The following METTL6 variants were observed in gnomAD, a reference collection of about 807,000 sequenced individuals.
METTL6 encodes tRNA N(3)-cytidine methyltransferase METTL6.
METTL6 carries 22 observed loss-of-function variants against 26.4 expected under a neutral mutation model. The observed-to-expected ratio is 0.83, with a 90% CI of 0.59 to 1.19. METTL6 has a LOEUF of 1.19. Among genes scored for constraint, METTL6 ranks in the 50% most tolerant of loss-of-function variants. The pLI is 0.00. For missense variants in METTL6, 304 were observed against 324.8 expected (o/e 0.94, Z 0.49); for synonymous variants, 109 against 116.2 (o/e 0.94, Z 0.40).
At chr3:15,389,102 C>A (rs1456153798) in intron 6 of METTL6, among the ~76,000 whole-genome samples, 1 of 151,874 alleles carries the variant, frequency 6.6e-6, no homozygotes, top group African/African-American at 2.4e-5. Flanking sequence ...ACAATCCTTC[C>A]TGCTCAGCCT....
chr3:15,409,571 C>T (rs898894506), downstream of METTL6, among the ~76,000 whole-genome samples: 5 of 151,932 alleles, frequency 3.3e-5, no homozygotes, highest in African/African-American at 4.8e-5. Flanking sequence ...ATTCTAAAGC[C>T]CCTCTCAACT....
chr3:15,397,313 G>GT lies in METTL6; in HGVS notation c.*12-13127dup, dbSNP rs1559481589. On this transcript the variant is annotated intron_variant, in intron 6 of 6. Coordinates refer to the METTL6 transcript ENST00000443029. The stretch of plus-strand genomic sequence containing the variant: ...ACGGGATATAATCTCCTGGTGTGCC[G>GT]TTTGCTAAGACTGTCGGAAAAGCGC... 6.6e-5 allele frequency among the ~76,000 whole-genome samples: 10 copies of GT among 152,314 alleles called. 1 individual carries two copies. In the South Asian group the frequency reaches 2.1e-3, roughly 32 times the overall value.
Position 15,410,016 on chromosome 3 carries a change from C to T in METTL6, c.*1240G>A, listed in dbSNP as rs143015123. The stretch of plus-strand genomic sequence containing the variant: ...ATGAGTAATGACAAGAATCTCTTTA[C>T]GTGCTACAGGGTCCTTAGGCTTTTC... On this transcript the variant is annotated 3_prime_UTR_variant, in exon 6 of 6. Coordinates refer to ENST00000383790, the MANE Select transcript of METTL6 (RefSeq NM_152396.4). Among the ~76,000 whole-genome samples the T allele has an allele frequency of 3.3e-5, 5 of 152,222 alleles. No homozygotes were observed. The East Asian group carries it at 5.8e-4, about 18-fold the overall frequency.
intron 6 of METTL6, among the ~76,000 whole-genome samples, chr3:15,387,812 A>C (rs931851033): frequency 1.4e-5 from 2 of 142,910 alleles, no homozygotes; most frequent in Non-Finnish European, 3.1e-5. Flanking sequence ...TCTTTGAAAA[A>C]AAGATTTTTT....
At chr3:15,387,678 A>C (rs931476270) in intron 6 of METTL6, among the ~76,000 whole-genome samples, 1 of 152,160 alleles carries the variant, frequency 6.6e-6, no homozygotes, top group Non-Finnish European at 1.5e-5. Context: ...CCAAATACTT[A>C]TATAGCCTTA....
chr3:15,387,775 G>T (rs1371434868), intron 6 of METTL6, among the ~76,000 whole-genome samples: 1 of 151,980 alleles, frequency 6.6e-6, no homozygotes, highest in Non-Finnish European at 1.5e-5. Context: ...ATGGATCAGG[G>T]AACAGAGATT....
intron 6 of METTL6, among the ~76,000 whole-genome samples, chr3:15,393,397 C>A (rs1216440385): frequency 6.6e-6 from 1 of 152,170 alleles, no homozygotes; most frequent in Non-Finnish European, 1.5e-5. Flanking sequence ...AGATTTTGAG[C>A]TGAGATGATG....
downstream of METTL6, among the ~76,000 whole-genome samples, chr3:15,409,724 A>T (rs1699895816): frequency 6.6e-6 from 1 of 152,180 alleles, no homozygotes; most frequent in African/African-American, 2.4e-5. Context: ...TGGCCCAGTG[A>T]TAAGGGGTCT....
At chr3:15,424,064 C>G (rs2061666710) in intron 3 of METTL6, among the ~76,000 whole-genome samples, 1 of 152,064 alleles carries the variant, frequency 6.6e-6, no homozygotes, top group Admixed American at 6.6e-5. Context: ...AAAATTGTCT[C>G]TGCTACTTGA....
chr3:15,414,357 C>CTTTT, intron 4 of METTL6, 195 bp from the exon 5 acceptor site: 7 of 1,118,540 alleles, frequency 6.3e-6, no homozygotes, highest in South Asian at 2.3e-5. Context: ...TAAGACACTT[C>CTTTT]TTTTTTTTTT....
chr3:15,388,276 A>C (rs1350260257), intron 6 of METTL6, among the ~76,000 whole-genome samples: 2 of 152,032 alleles, frequency 1.3e-5, no homozygotes, highest in African/African-American at 2.4e-5. Context: ...ATGCCCAGCA[A>C]ATTTTTGTAT....
intron 2 of METTL6, 145 bp from the exon 3 acceptor site, chr3:15,425,234 G>T: frequency 1.3e-6 from 1 of 791,846 alleles, no homozygotes; most frequent in Non-Finnish European, 2.0e-6. Context: ...AGCTAATACT[G>T]GTACTTCATT....
intron 6 of METTL6, among the ~76,000 whole-genome samples, chr3:15,389,062 C>G (rs531792327): frequency 5.6e-4 from 85 of 152,018 alleles, no homozygotes; most frequent in Middle Eastern, 3.4e-3. Flanking sequence ...CACGGTGTTG[C>G]CCAGGCTTGT....
At chr3:15,389,583 C>G (rs1304428574) in intron 6 of METTL6, among the ~76,000 whole-genome samples, 1 of 151,940 alleles carries the variant, frequency 6.6e-6, no homozygotes, top group Non-Finnish European at 1.5e-5. Context: ...GAATTTCACT[C>G]TTATTGTCCA....
chr3:15,419,888 G>A (rs947228262), intron 3 of METTL6, among the ~76,000 whole-genome samples: 4 of 143,962 alleles, frequency 2.8e-5, no homozygotes, highest in Non-Finnish European at 6.0e-5. Flanking sequence ...TTGAGACAGA[G>A]TCTCGCTCTA....
Position 15,411,249 on chromosome 3 carries a change from T to A in METTL6, c.*7A>T. On this transcript the variant is annotated 3_prime_UTR_variant, in exon 6 of 6. Transcript: ENST00000383790. ...AGGGAAGGTATAAATGCCAACCTCA[T>A]GAAAGGTCAGGACTTAGGATCCAGG... 1 of 1,604,996 alleles carries A rather than the reference T, an allele frequency of 6.2e-7. No individual in the cohort carries two copies. The highest frequency in any genetic ancestry group is 1.3e-5 in the African/African-American group (1 of 74,166).
At chr3:15,389,423 G>A (rs575610189) in intron 6 of METTL6, among the ~76,000 whole-genome samples, 1 of 152,176 alleles carries the variant, frequency 6.6e-6, no homozygotes, top group Non-Finnish European at 1.5e-5. Flanking sequence ...TATGTAGATA[G>A]AGAAAAAGTC....
At chr3:15,411,501 T>C (rs1037252278) in intron 5 of METTL6, 64 bp from the exon 6 acceptor site, 9 of 1,489,992 alleles carry the variant, frequency 6.0e-6, no homozygotes, top group Middle Eastern at 1.8e-4. Flanking sequence ...TTGCAGTCCT[T>C]GAGGAGGGAT....
chr3:15,424,908 C>A, intron 3 of METTL6, 47 bp downstream of exon 3: 1 of 1,609,386 alleles, frequency 6.2e-7, no homozygotes, highest in Non-Finnish European at 8.5e-7. Flanking sequence ...CAAACAAGAT[C>A]GGCAAGAAAA....
Sources: allele counts gnomAD v4.1 joint callset (sites outside exome capture counted in the v4.1 genomes callset), GRCh38; gene constraint gnomAD v4.1.1; transcripts MANE v1.5; gene names NCBI Gene and HGNC (gene_info 2026-07-23, HGNC 2026-07-21).